The following RNF213 variants were observed in gnomAD, a reference collection of about 807,000 sequenced individuals.
RNF213 encodes the protein ring finger protein 213.
In RNF213, 341 loss-of-function variants were observed where a neutral mutation model predicts 514.4. The ratio of observed to expected loss-of-function variants is 0.66; its 90% CI spans 0.61 to 0.73. The LOEUF (loss-of-function observed/expected upper bound fraction) is 0.73, where lower values mean the gene tolerates loss of function less well. Ranked by LOEUF, RNF213 falls within the 30% of genes least tolerant of loss-of-function variation. The pLI, the probability that RNF213 is intolerant of heterozygous loss-of-function variation, is 0.00. For missense variants in RNF213, 5,767 were observed against 6,615.6 expected (o/e 0.87, Z 4.45); for synonymous variants, 2,655 against 2,658.2 (o/e 1.00, Z 0.04).
Position 80,377,873 on chromosome 17 carries a change from G to C in RNF213, c.13545+77G>C. 1 of 1,531,074 alleles carries C rather than the reference G, an allele frequency of 6.5e-7. No individual in the cohort carries two copies. 94.8% of individuals were successfully genotyped at this position (1,531,074 alleles called of 1,614,324 possible). ...TTGGAGGAGGGGGATCGTGGGTCAG[G>C]AGAGTGAGGCTCTCGGCCTTCCAGG... On this transcript the variant is annotated intron_variant, in intron 54 of 67. Transcript: ENST00000582970. The surrounding 1 kb of genome is among the most constrained non-coding windows in gnomAD (Gnocchi z 4.1).
At position 80,371,767 on chromosome 17, in the gene RNF213, T is replaced by TACACACAC. The variant is rs111992928; in HGVS notation, c.12426-99_12426-92dup. 7.5e-6 allele frequency: 5 copies of TACACACAC among 668,268 alleles called. No individual in the cohort carries two copies. The East Asian group carries it at 1.1e-4, about 15-fold the overall frequency. 41.4% of individuals were successfully genotyped at this position (668,268 alleles called of 1,614,324 possible). ...CCACGTATATGTATGTATATGTTTA[T>TACACACAC]ACACACACACACACAGGACAGACGA... On this transcript the variant is annotated intron_variant, in intron 46 of 67. Coordinates refer to ENST00000582970, the MANE Select transcript of RNF213 (RefSeq NM_001256071.3).
intron 6 of RNF213, 74 bp downstream of exon 6, chr17:80,289,911 T>C (rs906211965): frequency 2.8e-5 from 41 of 1,440,946 alleles, no homozygotes; most frequent in Non-Finnish European, 3.7e-5. Flanking sequence ...TGCACAACTC[T>C]CAGGGGATAT....
chr17:80,312,693 C>T (rs749253996), intron 14 of RNF213, among the ~76,000 whole-genome samples: 2 of 152,230 alleles, frequency 1.3e-5, no homozygotes, highest in Non-Finnish European at 2.9e-5. Context: ...GCTTTTCCCC[C>T]TCAGTCTCCT....
At chr17:80,306,824 C>T (rs1402082990) in intron 12 of RNF213, among the ~76,000 whole-genome samples, 4 of 149,678 alleles carry the variant, frequency 2.7e-5, no homozygotes, top group African/African-American at 1.0e-4. Flanking sequence ...TGCACTCCAG[C>T]CTGGGTGACA....
chr17:80,262,464 G>A (rs1271309630), intron 1 of RNF213, among the ~76,000 whole-genome samples: 1 of 152,030 alleles, frequency 6.6e-6, no homozygotes, highest in South Asian at 2.1e-4. Flanking sequence ...TAATCACTCA[G>A]GTGATCTCAG....
chr17:80,385,101 G>A lies in RNF213; in HGVS notation c.14385G>A (p.Val4795=). The A allele has an allele frequency of 6.2e-7, 1 of 1,614,150 alleles. No homozygotes were observed. ...PEILALQRDL[V]KQFQNVQQVE... The stretch of plus-strand genomic sequence containing the variant: ...TTTTGGCCTTGCAAAGGGATCTAGT[G>A]AAGCAGTTCCAGAACGTCCAGCAAG... Residue 4795 remains valine, a synonymous_variant, in exon 60 of 68, where the codon GTG becomes GTA. Coordinates refer to ENST00000582970, the MANE Select transcript of RNF213 (RefSeq NM_001256071.3).
chr17:80,286,502 C>T lies in RNF213; in HGVS notation c.262-1313C>T, dbSNP rs543896035. 9.2e-5 allele frequency among the ~76,000 whole-genome samples: 14 copies of T among 152,230 alleles called. No individual in the cohort carries two copies. In the South Asian group the frequency reaches 1.2e-3, roughly 14 times the overall value. On this transcript the variant is annotated intron_variant, in intron 3 of 67. Coordinates refer to ENST00000582970, the MANE Select transcript of RNF213 (RefSeq NM_001256071.3). ...TCGTCATGCCCTGGGTGGGTGGGAA[C>T]GCAGCCTCCTCCTTGGGCCACACAG...
chr17:80,357,159 C>T (rs758404728), intron 36 of RNF213, among the ~76,000 whole-genome samples: 12 of 152,056 alleles, frequency 7.9e-5, no homozygotes, highest in Non-Finnish European at 8.8e-5. Context: ...TCAGGTGATC[C>T]GCCCGCCTCA....
At position 80,306,432 on chromosome 17, in the gene RNF213, C is replaced by T. The variant is rs777923724; in HGVS notation, c.2391C>T (p.Tyr797=). ...TGGACTGTCTTTCAGGGATTTACTA[C>T]CGGCTTCCGGGACTTGAGCAAGTCT... ...HILDCLSGIY[Y]RLPGLEQVLN... Residue 797 remains tyrosine (Y), a synonymous_variant, in exon 12 of 68, where the codon TAC becomes TAT. Transcript: ENST00000582970. 2 of 1,614,082 alleles carry T rather than the reference C, an allele frequency of 1.2e-6. No homozygotes were observed. The highest frequency in any genetic ancestry group is 2.2e-5 in the East Asian group (1 of 44,880).
chr17:80,385,096 C>G lies in RNF213; in HGVS notation c.14380C>G (p.Leu4794Val). 2 of 1,614,114 alleles carry G rather than the reference C, an allele frequency of 1.2e-6. No homozygotes were observed. The highest frequency in any genetic ancestry group is 1.7e-6 in the Non-Finnish European group (2 of 1,179,966). Residue 4794 changes from leucine (L) to valine (V), a missense_variant, in exon 60 of 68, where the codon CTA (leucine) becomes GTA (valine). Leu to Val is a conservative substitution (Grantham distance 32, BLOSUM62 1). Coordinates refer to ENST00000582970, the MANE Select transcript of RNF213 (RefSeq NM_001256071.3). ...TGAGATTTTGGCCTTGCAAAGGGAT[C>G]TAGTGAAGCAGTTCCAGAACGTCCA... ...LPEILALQRD[L>V]VKQFQNVQQV...
Position 80,380,913 on chromosome 17 carries a change from C to T in RNF213, c.13723C>T (p.Pro4575Ser). Residue 4575 changes from proline to serine, a missense_variant, in exon 56 of 68, where the codon CCC becomes TCC. Around this residue, in one of 13 missense-constraint regions of RNF213, gnomAD observed 1,245 missense variants for 1,339.0 expected, o/e 0.93. Transcript: ENST00000582970. The stretch of plus-strand genomic sequence containing the variant: ...CGTGGTGACATGTGACCGAGGGCTG[C>T]CCCCAGTGGTCTTCCTCCTTATCCG... The part of the protein sequence containing the change: ...RDVVTCDRGL[P>S]PVVFLLIRLL... 1.2e-6 allele frequency: 2 copies of T among 1,614,152 alleles called. No individual in the cohort carries two copies. Among genetic ancestry groups the T allele is most frequent in the Admixed American group, 1.7e-5 (1 of 60,020 alleles).
At chr17:80,329,547 G>T (rs2046360606) in intron 20 of RNF213, among the ~76,000 whole-genome samples, 1 of 152,156 alleles carries the variant, frequency 6.6e-6, no homozygotes, top group Non-Finnish European at 1.5e-5. Flanking sequence ...GTTCCATCGA[G>T]GCTGGGCATG....
rs1045952727 is a variant in RNF213 at position 80,347,959 on chromosome 17, G to C, written c.9624G>C (p.Lys3208Asn). ...ATGTCAAAGCACATCATTTCCAGAAGAGGCACAAATACAGCCCCTCTGACG... is the reference window on the plus strand; with the variant it reads ...ATGTCAAAGCACATCATTTCCAGAACAGGCACAAATACAGCCCCTCTGACG... ...FINVKAHHFQ[K>N]RHKYSPSDVF... Residue 3208 changes from lysine (K) to asparagine (N), a missense_variant, in exon 29 of 68, where the codon AAG (lysine) becomes AAC (asparagine). Lys to Asn is a moderately conservative substitution (Grantham distance 94, BLOSUM62 0). This residue lies in a region of RNF213 where 919 missense variants were observed against 1,121.0 expected (regional missense o/e 0.82). Transcript: ENST00000582970. This position sits in a 1 kb window ranked among gnomAD's most constrained non-coding sequence, Gnocchi z 7.2. 2 of 1,613,892 alleles carry C rather than the reference G, an allele frequency of 1.2e-6. No homozygotes were observed. The highest frequency in any genetic ancestry group is 1.7e-6 in the Non-Finnish European group (2 of 1,179,848).
Position 80,386,828 on chromosome 17 carries a change from G to A in RNF213, c.14859G>A (p.Leu4953=). 6.2e-7 allele frequency: 1 copy of A among 1,614,210 alleles called. No individual in the cohort carries two copies. Among genetic ancestry groups the A allele is most frequent in the African/African-American group, 1.3e-5 (1 of 75,068 alleles). ...EGRETVQEFD[L]EKIQRQIVSR... ...GAGAGACCGTGCAGGAGTTCGATCTGGAGAAGATTCAGCGGCAGATCGTCA... is the reference window on the plus strand; with the variant it reads ...GAGAGACCGTGCAGGAGTTCGATCTAGAGAAGATTCAGCGGCAGATCGTCA... The change falls in exon 63 of 68, where the codon CTG becomes CTA. Residue 4953 remains leucine (L), a synonymous_variant. Transcript: ENST00000582970.
intron 36 of RNF213, among the ~76,000 whole-genome samples, chr17:80,357,253 T>C (rs574397174): frequency 1.3e-5 from 2 of 152,330 alleles, no homozygotes; most frequent in East Asian, 3.9e-4. Context: ...AATTTTGAAA[T>C]AGAGCTATTA....
intron 17 of RNF213, among the ~76,000 whole-genome samples, chr17:80,322,511 G>C (rs1022815803): frequency 6.6e-6 from 1 of 152,020 alleles, no homozygotes; most frequent in South Asian, 2.1e-4. Flanking sequence ...ATGAGGTGGA[G>C]GTTGCAGTGA....
At chr17:80,384,285 C>A (rs1021732182) in intron 59 of RNF213, among the ~76,000 whole-genome samples, 2 of 152,174 alleles carry the variant, frequency 1.3e-5, no homozygotes, top group African/African-American at 4.8e-5. Context: ...GGAGCATGGG[C>A]AGATCAAACA....
At position 80,380,973 on chromosome 17, in the gene RNF213, T is replaced by C. The variant is rs758429795; in HGVS notation, c.13783T>C (p.Ser4595Pro). The change falls in exon 56 of 68, where the codon TCC becomes CCC. Residue 4595 changes from serine (S) to proline (P), a missense_variant. Ser to Pro is a moderately conservative substitution (Grantham distance 74). Around this residue, in one of 13 missense-constraint regions of RNF213, gnomAD observed 1,245 missense variants for 1,339.0 expected, o/e 0.93. Coordinates refer to ENST00000582970, the MANE Select transcript of RNF213 (RefSeq NM_001256071.3). ...LTHLALLLGA[S>P]QSSQALINII... ...TCACTTGGCTCTGCTTCTGGGAGCG[T>C]CCCAGAGTTCCCAGGTATAACCCAG... 6.2e-7 allele frequency: 1 copy of C among 1,614,190 alleles called. No individual in the cohort carries two copies. Among genetic ancestry groups the C allele is most frequent in the Non-Finnish European group, 8.5e-7 (1 of 1,180,024 alleles).
At chr17:80,363,811 C>T in intron 41 of RNF213, 21 bp downstream of exon 41, 1 of 1,610,060 alleles carries the variant, frequency 6.2e-7, no homozygotes, top group East Asian at 2.2e-5. Flanking sequence ...GGAGCCCTCA[C>T]CCACTGCTTC....
Sources: gnomAD v4.1 joint callset for allele counts (sites outside exome capture counted in the v4.1 genomes callset) on GRCh38, gnomAD v4.1.1 for gene constraint, gnomAD v4.1.1 regional missense constraint, Gnocchi (gnomAD v3.1) non-coding constraint, MANE v1.5 for transcripts, NCBI Gene and HGNC (gene_info 2026-07-23, HGNC 2026-07-21) for gene names.